EVC2: variants seen among roughly 807,000 people sequenced by gnomAD.
EVC2 encodes the protein EvC ciliary complex subunit 2.
In EVC2, 148 loss-of-function variants were observed where a neutral mutation model predicts 149.3. The ratio of observed to expected loss-of-function variants is 0.99; its 90% CI spans 0.87 to 1.14. The LOEUF (loss-of-function observed/expected upper bound fraction) is 1.14, where lower values mean the gene tolerates loss of function less well. Ranked by LOEUF, EVC2 falls within the 50% of genes most tolerant of loss-of-function variation. The pLI is 0.00. For missense variants in EVC2, 1,854 were observed against 1,627.3 expected (o/e 1.14, Z -2.40); for synonymous variants, 776 against 649.9 (o/e 1.19, Z -2.95).
intron 9 of EVC2, among the ~76,000 whole-genome samples, chr4:5,648,019 G>A (rs151093373): frequency 0.019 from 2,965 of 152,206 alleles, 96 homozygotes; most frequent in African/African-American, 0.068. Flanking sequence ...TAAAGCTGAC[G>A]TCTTTTTTTT....
At chr4:5,708,002 A>C (rs1373673833) in intron 1 of EVC2, 1 of 294,590 alleles carries the variant, frequency 3.4e-6, no homozygotes, top group Non-Finnish European at 6.2e-6. Context: ...ACAGGAGTGA[A>C]CTGCCCTAGG....
rs375398228 is a variant in EVC2 at position 5,618,578 on chromosome 4, G to C, written c.2606C>G (p.Pro869Arg). 1 of 1,614,114 alleles carries C rather than the reference G, an allele frequency of 6.2e-7. No individual in the cohort carries two copies. The highest frequency in any genetic ancestry group is 8.5e-7 in the Non-Finnish European group (1 of 1,180,020). ...FAQMDRSLAL[P>R]KIRARVLLQQ... ...CAGCAGAACTCGGGCCCGGATCTTG[G>C]GGAGGGCCAAGCTCCTGTCCATCTG... Residue 869 changes from proline to arginine, a missense_variant, in exon 15 of 22, where the codon CCC becomes CGC. By Grantham distance (103) the Pro-to-Arg change is moderately radical. Transcript: ENST00000344408. The surrounding 1 kb of genome is among the most constrained non-coding windows in gnomAD (Gnocchi z 4.4).
At chr4:5,617,531 G>A (rs1185656450) in intron 15 of EVC2, among the ~76,000 whole-genome samples, 1 of 152,168 alleles carries the variant, frequency 6.6e-6, no homozygotes, top group African/African-American at 2.4e-5. Context: ...GGGCCGGGGA[G>A]CTTATTTTTA....
chr4:5,601,481 C>T (rs780033298), intron 16 of EVC2, among the ~76,000 whole-genome samples: 2 of 150,544 alleles, frequency 1.3e-5, no homozygotes, highest in Non-Finnish European at 2.9e-5. Flanking sequence ...TAGGCTATCT[C>T]CCAGCAAGTG....
chr4:5,620,532 A>C (rs1019161393), intron 14 of EVC2, among the ~76,000 whole-genome samples: 5 of 152,228 alleles, frequency 3.3e-5, no homozygotes, highest in African/African-American at 1.2e-4. Context: ...GAAATTGGAA[A>C]GCTTCTAAAA....
chr4:5,548,782 G>T (rs1423691273), intron 21 of EVC2, among the ~76,000 whole-genome samples: 3 of 152,120 alleles, frequency 2.0e-5, no homozygotes, highest in Non-Finnish European at 4.4e-5. Flanking sequence ...AGGCAATAGA[G>T]ATTCATTTAC....
chr4:5,654,125 A>G (rs895934198), intron 9 of EVC2, among the ~76,000 whole-genome samples: 10 of 152,182 alleles, frequency 6.6e-5, no homozygotes, highest in African/African-American at 1.2e-4. Flanking sequence ...GAGGCAGGAG[A>G]ATCACTTGAA....
chr4:5,691,226 T>G (rs776646313), intron 4 of EVC2, 39 bp downstream of exon 4: 1 of 1,571,936 alleles, frequency 6.4e-7, no homozygotes, highest in African/African-American at 1.3e-5. Flanking sequence ...AAAATCCAAT[T>G]ATTTTCTCTT....
chr4:5,590,158 G>A (rs748624524), intron 16 of EVC2, among the ~76,000 whole-genome samples: 10 of 152,234 alleles, frequency 6.6e-5, no homozygotes, highest in Middle Eastern at 3.4e-3. Flanking sequence ...AGATGAAGCC[G>A]TAAAGGTGTG....
chr4:5,530,314 G>A, the EVC2 span, among the ~76,000 whole-genome samples: 2 of 152,166 alleles, frequency 1.3e-5, no homozygotes, highest in Non-Finnish European at 2.9e-5. Flanking sequence ...GCAGGCTCAA[G>A]GGGCCATGGG....
intron 17 of EVC2, among the ~76,000 whole-genome samples, chr4:5,581,394 C>A (rs950447749): frequency 7.9e-5 from 12 of 152,150 alleles, no homozygotes; most frequent in Non-Finnish European, 1.6e-4. Context: ...ACAATGAATT[C>A]TAGGCTGAGG....
chr4:5,663,275 G>C, intron 8 of EVC2, 29 bp from the exon 9 acceptor site: 2 of 1,613,486 alleles, frequency 1.2e-6, no homozygotes, highest in Non-Finnish European at 1.7e-6. Context: ...AATAATAATT[G>C]ATTGGGCCTT....
chr4:5,637,718 TGTATCTCCAGG>T lies in EVC2; in HGVS notation c.1470+2785_1470+2795del, dbSNP rs1408312606. Reference sequence around the variant, plus strand: ...GTGTGAAGGCTGCCTGAGCCATCCCTGTATCTCCAGGGTTAGGTATACAATAGAAACTCAAC... The same window carrying T: ...GTGTGAAGGCTGCCTGAGCCATCCCTGTTAGGTATACAATAGAAACTCAAC... On this transcript the variant is annotated intron_variant, in intron 10 of 21. Transcript: ENST00000344408. This position sits in a 1 kb window ranked among gnomAD's most constrained non-coding sequence, Gnocchi z 4.4. Among the ~76,000 whole-genome samples, 1 of 151,982 alleles carries T rather than the reference TGTATCTCCAGG, an allele frequency of 6.6e-6. No homozygotes were observed.
chr4:5,670,973 T>C lies in EVC2; in HGVS notation c.871-5324A>G, dbSNP rs970583469. Among the ~76,000 whole-genome samples, 5 of 152,086 alleles carry C rather than the reference T, an allele frequency of 3.3e-5. No homozygotes were observed. The highest frequency in any genetic ancestry group is 1.2e-4 in the African/African-American group (5 of 41,406). ...ACCATCATCTTCACGCCCACCACCA[T>C]CAACACCATCATGACACCATCAGCG... On this transcript the variant is annotated intron_variant, in intron 7 of 21. Coordinates refer to ENST00000344408, the MANE Select transcript of EVC2 (RefSeq NM_147127.5). This position sits in a 1 kb window ranked among gnomAD's most constrained non-coding sequence, Gnocchi z 5.2.
At chr4:5,609,994 G>T (rs28600845) in intron 16 of EVC2, among the ~76,000 whole-genome samples, 15,614 of 152,196 alleles carry the variant, frequency 0.1, 1,609 homozygotes, top group African/African-American at 0.26. Context: ...GCACAGGTCA[G>T]TATAGCAGCA....
intron 21 of EVC2, among the ~76,000 whole-genome samples, chr4:5,547,716 C>G (rs1721648543): frequency 6.6e-6 from 1 of 152,186 alleles, no homozygotes; most frequent in Non-Finnish European, 1.5e-5. Context: ...TGTCTGCGTG[C>G]TTCATTCTTC....
chr4:5,594,040 G>C (rs954819327), intron 16 of EVC2, among the ~76,000 whole-genome samples: 1 of 152,184 alleles, frequency 6.6e-6, no homozygotes, highest in Non-Finnish European at 1.5e-5. Context: ...CATTGCCCAG[G>C]CTTGCTTAGG....
intron 9 of EVC2, among the ~76,000 whole-genome samples, chr4:5,658,402 A>T (rs1718667057): frequency 6.6e-6 from 1 of 152,254 alleles, no homozygotes; most frequent in Non-Finnish European, 1.5e-5. Flanking sequence ...GAATAAAAAG[A>T]GTAGTAGTTG....
Position 5,618,674 on chromosome 4 carries a change from C to T in EVC2, c.2510G>A (p.Cys837Tyr), listed in dbSNP as rs748269961. The stretch of plus-strand genomic sequence containing the variant: ...TTCAGACAGGGAGAAGACTGAGGAG[C>T]AGAGCTTCCTGGGAGGAAGAACAGA... Reference protein sequence around the residue: ...RWEHLIFMKLCSSVFSLSEEE... With the variant: ...RWEHLIFMKLYSSVFSLSEEE... The change falls in exon 15 of 22, where the codon TGC (cysteine) becomes TAC (tyrosine). Residue 837 changes from cysteine to tyrosine, a missense_variant. By Grantham distance (194) the Cys-to-Tyr change is radical. Coordinates refer to ENST00000344408, the MANE Select transcript of EVC2 (RefSeq NM_147127.5). This position sits in a 1 kb window ranked among gnomAD's most constrained non-coding sequence, Gnocchi z 4.4. The T allele has an allele frequency of 4.4e-6, 7 of 1,598,322 alleles. No individual in the cohort carries two copies. Among genetic ancestry groups the T allele is most frequent in the African/African-American group, 1.3e-5 (1 of 74,496 alleles).
Sources: allele counts gnomAD v4.1 joint callset (sites outside exome capture counted in the v4.1 genomes callset), GRCh38; gene constraint gnomAD v4.1.1; non-coding constraint Gnocchi (gnomAD v3.1); transcripts MANE v1.5; gene names NCBI Gene and HGNC (gene_info 2026-07-23, HGNC 2026-07-21).